NUP210: variants seen among roughly 807,000 people sequenced by gnomAD.
The protein encoded by NUP210 is nuclear pore membrane glycoprotein 210.
NUP210 carries 151 observed loss-of-function variants against 196.0 expected under a neutral mutation model. The observed-to-expected ratio is 0.77, with a 90% CI of 0.67 to 0.88. NUP210 has a LOEUF of 0.88. Ranked by LOEUF, NUP210 falls within the 40% of genes least tolerant of loss-of-function variation. The pLI, the probability that NUP210 is intolerant of heterozygous loss-of-function variation, is 0.00. For synonymous variants in NUP210, 1,070 were observed against 1,052.7 expected, an observed-to-expected ratio of 1.02 and a Z score of -0.32; for missense variants, 2,314 against 2,493.7, an observed-to-expected ratio of 0.93 and a Z score of 1.53.
chr3:13,362,413 CT>C (rs1465139105), intron 14 of NUP210, among the ~76,000 whole-genome samples: 1 of 152,168 alleles, frequency 6.6e-6, no homozygotes, highest in Non-Finnish European at 1.5e-5. Context: ...TTATGGCTAT[CT>C]ATGAGGAAGG....
At chr3:13,415,299 GT>G (rs1410021343) in intron 1 of NUP210, among the ~76,000 whole-genome samples, 2 of 152,214 alleles carry the variant, frequency 1.3e-5, no homozygotes, top group Middle Eastern at 3.2e-3. Context: ...GGTGAAATAT[GT>G]GTCGTCCATC....
intron 1 of NUP210, among the ~76,000 whole-genome samples, chr3:13,406,815 C>T (rs1313757010): frequency 6.6e-6 from 1 of 152,178 alleles, no homozygotes; most frequent in African/African-American, 2.4e-5. Context: ...CCTACCCTCC[C>T]ACTCACCAAC....
intron 25 of NUP210, among the ~76,000 whole-genome samples, chr3:13,338,456 CT>C (rs1697319463): frequency 6.6e-6 from 1 of 152,236 alleles, no homozygotes; most frequent in South Asian, 2.1e-4. Context: ...TGAACTGAGG[CT>C]ATTAAAACCC....
chr3:13,391,776 GT>G (rs1411013302), intron 3 of NUP210, among the ~76,000 whole-genome samples: 4 of 151,630 alleles, frequency 2.6e-5, no homozygotes, highest in Non-Finnish European at 5.9e-5. Flanking sequence ...ACTGTCTAGT[GT>G]CACATGACTC....
rs1696623771 is a variant in NUP210, at chr3:13,323,509, C to A, written c.4645-77G>T. The A allele has an allele frequency of 1.3e-6, 2 of 1,536,736 alleles. No individual in the cohort carries two copies. Among genetic ancestry groups the A allele is most frequent in the East Asian group, 2.3e-5 (1 of 44,246 alleles). ...ATGCTGGGCGTTTCCACAACCTCAC[C>A]CTGCAGTCTGTGACATAGTGTCACC... On this transcript the variant is annotated intron_variant, in intron 33 of 39. Transcript: ENST00000254508. The surrounding 1 kb of genome is among the most constrained non-coding windows in gnomAD (Gnocchi z 4.3).
At chr3:13,382,567 C>T (rs1434861724) in intron 6 of NUP210, among the ~76,000 whole-genome samples, 1 of 151,936 alleles carries the variant, frequency 6.6e-6, no homozygotes, top group Non-Finnish European at 1.5e-5. Flanking sequence ...GAGAGGCAGA[C>T]ATAAAGGAAA....
chr3:13,391,069 A>G (rs1699473916), intron 4 of NUP210, 142 bp downstream of exon 4: 2 of 638,944 alleles, frequency 3.1e-6, no homozygotes. Context: ...TCAATCAGAC[A>G]CTCGGAATGT....
rs140382181 is a variant in NUP210, at chr3:13,391,182, G to A, written c.533+29C>T. 1.5e-4 allele frequency: 231 copies of A among 1,545,594 alleles called. 1 individual carries two copies. The African/African-American group carries it at 2.8e-3, about 19-fold the overall frequency. On this transcript the variant is annotated intron_variant, in intron 4 of 39. Coordinates refer to ENST00000254508, the MANE Select transcript of NUP210 (RefSeq NM_024923.4). ...TCCCCCTTTCCCCTTCCCTTCAAAG[G>A]GGCCAGGCCTAGCAGAGGCACCCCT...
chr3:13,321,902 C>T, intron 35 of NUP210, 67 bp from the exon 36 acceptor site: 1 of 1,559,200 alleles, frequency 6.4e-7, no homozygotes, highest in East Asian at 2.2e-5. Context: ...TTTCTTCTCC[C>T]TGCTTCTCTA....
Position 13,353,929 on chromosome 3 carries a change from T to A in NUP210, c.2507A>T (p.Gln836Leu). 1 of 1,608,900 alleles carries A rather than the reference T, an allele frequency of 6.2e-7. No individual in the cohort carries two copies. Among genetic ancestry groups the A allele is most frequent in the Non-Finnish European group, 8.5e-7 (1 of 1,177,642 alleles). Reference protein sequence around the residue: ...QLVSQDDESGQKKLHGLQAIL... With the variant: ...QLVSQDDESGLKKLHGLQAIL... ...GCCCAGCTCACCGTGCAGCTTCTTT[T>A]GGCCACTCTCATCGTCCTGGGACAC... The change falls in exon 17 of 40, where the codon CAA (glutamine) becomes CTA (leucine). Residue 836 changes from glutamine to leucine, a missense_variant. Physicochemically the swap from Gln to Leu is moderately radical, Grantham distance 113 (BLOSUM62 -2). Coordinates refer to ENST00000254508, the MANE Select transcript of NUP210 (RefSeq NM_024923.4).
intron 28 of NUP210, among the ~76,000 whole-genome samples, chr3:13,333,566 C>A (rs1407637520): frequency 2.0e-5 from 3 of 152,260 alleles, no homozygotes; most frequent in African/African-American, 7.2e-5. Context: ...CAACTAACGT[C>A]CTCTCCATGC....
At chr3:13,327,523 G>T in intron 31 of NUP210, 86 bp from the exon 32 acceptor site, 2 of 989,460 alleles carry the variant, frequency 2.0e-6, no homozygotes, top group Non-Finnish European at 3.0e-6. Flanking sequence ...CATGTCCTCT[G>T]CTGAGCAAAG....
intron 11 of NUP210, 63 bp from the exon 12 acceptor site, chr3:13,373,936 G>T: frequency 6.3e-7 from 1 of 1,581,002 alleles, no homozygotes; most frequent in Non-Finnish European, 8.6e-7. Context: ...GAAGTCAGAG[G>T]GTCAGAGACA....
Position 13,373,772 on chromosome 3 carries a change from G to A in NUP210, c.1533C>T (p.Phe511=). The A allele has an allele frequency of 6.2e-7, 1 of 1,614,168 alleles. No individual in the cohort carries two copies. Among genetic ancestry groups the A allele is most frequent in the Non-Finnish European group, 8.5e-7 (1 of 1,180,016 alleles). Residue 511 remains phenylalanine, a synonymous_variant, in exon 12 of 40, where the codon TTC becomes TTT. Coordinates refer to ENST00000254508, the MANE Select transcript of NUP210 (RefSeq NM_024923.4). ...GCACATCATGTGCCTGGATCACACT[G>A]AACCCGATGTCACTGCCTGTGGTCA... ...GVMTTGSDIG[F]SVIQAHDVQN...
chr3:13,388,982 G>C (rs981532340), intron 4 of NUP210, among the ~76,000 whole-genome samples: 1 of 152,234 alleles, frequency 6.6e-6, no homozygotes, highest in Admixed American at 6.5e-5. Flanking sequence ...CTGGATCCCA[G>C]CTTGGGGAGA....
At position 13,330,650 on chromosome 3, in the gene NUP210, C is replaced by T; in HGVS notation, c.3936-16G>A. Reference sequence around the variant, plus strand: ...TGCACCATCCCTTTGGAAAACAAAACAGAGCTGTTTTTGTAGATGGCAGCA... The same window carrying T: ...TGCACCATCCCTTTGGAAAACAAAATAGAGCTGTTTTTGTAGATGGCAGCA... On this transcript the variant is annotated splice_polypyrimidine_tract_variant and intron_variant, in intron 29 of 39. Transcript: ENST00000254508. 2 of 1,612,364 alleles carry T rather than the reference C, an allele frequency of 1.2e-6. No individual in the cohort carries two copies. The highest frequency in any genetic ancestry group is 1.7e-6 in the Non-Finnish European group (2 of 1,178,982).
At chr3:13,321,175 G>A (rs1246694175) in intron 36 of NUP210, among the ~76,000 whole-genome samples, 1 of 152,252 alleles carries the variant, frequency 6.6e-6, no homozygotes, top group Non-Finnish European at 1.5e-5. Context: ...ATCCCACCCC[G>A]TGACTTAGTC....
At chr3:13,366,409 G>C (rs2124901738) in intron 13 of NUP210, among the ~76,000 whole-genome samples, 1 of 152,300 alleles carries the variant, frequency 6.6e-6, no homozygotes, top group South Asian at 2.1e-4. Flanking sequence ...TGGGATCACA[G>C]GTGTGAGCCA....
At chr3:13,375,176 T>C (rs1698859217) in intron 11 of NUP210, among the ~76,000 whole-genome samples, 1 of 148,734 alleles carries the variant, frequency 6.7e-6, no homozygotes. Context: ...TGAGTAGAGA[T>C]GGAGGTCTCC....
Sources: gnomAD v4.1 joint callset for allele counts (sites outside exome capture counted in the v4.1 genomes callset) on GRCh38, gnomAD v4.1.1 for gene constraint, Gnocchi (gnomAD v3.1) non-coding constraint, MANE v1.5 for transcripts, NCBI Gene and HGNC (gene_info 2026-07-23, HGNC 2026-07-21) for gene names.